ANGPT1: variants seen among roughly 807,000 people sequenced by gnomAD.
ANGPT1 encodes angiopoietin-1.
A neutral mutation model predicts 62.2 loss-of-function variants in ANGPT1; 17 were observed. The ratio of observed to expected loss-of-function variants is 0.27; its 90% confidence interval spans 0.19 to 0.41. ANGPT1 has a LOEUF of 0.41. Ranked by LOEUF, ANGPT1 falls within the 10% of genes least tolerant of loss-of-function variation. The pLI is 1.00. For missense variants in ANGPT1, 478 were observed against 594.9 expected, an observed-to-expected ratio of 0.80 and a Z score of 2.04; for synonymous variants, 199 against 198.9, an observed-to-expected ratio of 1.00 and a Z score of 0.00.
intron 1 of ANGPT1, among the ~76,000 whole-genome samples, chr8:107,496,243 A>G (rs10216767): frequency 0.69 from 104,769 of 152,092 alleles, 36,262 homozygotes; most frequent in East Asian, 0.79. Context: ...CCCTTCTAGT[A>G]GCATAGTCAG....
At chr8:107,495,760 A>G (rs901399511) in intron 1 of ANGPT1, among the ~76,000 whole-genome samples, 4 of 152,238 alleles carry the variant, frequency 2.6e-5, no homozygotes, top group Non-Finnish European at 5.9e-5. Context: ...TTACCAAAGA[A>G]AAATACAAAC....
chr8:107,327,595 A>G (rs574694033), intron 3 of ANGPT1, among the ~76,000 whole-genome samples: 1 of 152,214 alleles, frequency 6.6e-6, no homozygotes, highest in Non-Finnish European at 1.5e-5. Context: ...AGTTTTTATT[A>G]AGATGCTTCT....
At chr8:107,376,542 G>GT (rs1443904002) in intron 1 of ANGPT1, among the ~76,000 whole-genome samples, 7 of 151,970 alleles carry the variant, frequency 4.6e-5, no homozygotes, top group East Asian at 1.9e-4. Context: ...GTTTGTTTTT[G>GT]TTTTTTTGTG....
intron 1 of ANGPT1, among the ~76,000 whole-genome samples, chr8:107,485,544 C>A (rs1315885969): frequency 6.6e-6 from 1 of 152,162 alleles, no homozygotes; most frequent in South Asian, 2.1e-4. Context: ...AGAACTATCA[C>A]AATTGTCTAC....
chr8:107,397,673 C>G (rs1168647479), intron 1 of ANGPT1, among the ~76,000 whole-genome samples: 1 of 152,054 alleles, frequency 6.6e-6, no homozygotes, highest in Non-Finnish European at 1.5e-5. Context: ...TCAAAAGAAC[C>G]ATTTGGGTCT....
chr8:107,419,726 T>C (rs2130376124), intron 1 of ANGPT1, among the ~76,000 whole-genome samples: 1 of 152,166 alleles, frequency 6.6e-6, no homozygotes, highest in South Asian at 2.1e-4. Flanking sequence ...GACAGGGAGT[T>C]AACATGCAAA....
intron 1 of ANGPT1, among the ~76,000 whole-genome samples, chr8:107,468,056 G>A (rs1333765235): frequency 6.6e-6 from 1 of 152,094 alleles, no homozygotes; most frequent in African/African-American, 2.4e-5. Context: ...AGAGGGAAAT[G>A]AATGGAATCT....
chr8:107,440,910 TAG>T (rs1223403924), intron 1 of ANGPT1, among the ~76,000 whole-genome samples: 1 of 152,194 alleles, frequency 6.6e-6, no homozygotes, highest in Non-Finnish European at 1.5e-5. Flanking sequence ...CACTCTAAAC[TAG>T]AGAAAAGAGA....
chr8:107,293,746 C>CT (rs1814340636), intron 6 of ANGPT1, among the ~76,000 whole-genome samples, 190 bp downstream of exon 6: 1 of 152,094 alleles, frequency 6.6e-6, no homozygotes, highest in Non-Finnish European at 1.5e-5. Context: ...TTCTTTCTGA[C>CT]GCACACGTGG....
chr8:107,428,520 C>T (rs938565260), intron 1 of ANGPT1, among the ~76,000 whole-genome samples: 2 of 152,132 alleles, frequency 1.3e-5, no homozygotes, highest in African/African-American at 4.8e-5. Flanking sequence ...AAGGGTCTGT[C>T]TTCAGCTCCT....
intron 8 of ANGPT1, among the ~76,000 whole-genome samples, chr8:107,260,390 T>C (rs1250313074): frequency 1.3e-5 from 2 of 152,218 alleles, no homozygotes; most frequent in South Asian, 4.1e-4. Flanking sequence ...CAAAGAGCTA[T>C]GAGTTACTAG....
In ANGPT1 at chr8:107,251,305, C is replaced by G. The variant is rs1813243400; in HGVS notation, c.*550G>C. 1 of 153,008 alleles carries G rather than the reference C, an allele frequency of 6.5e-6. No homozygotes were observed. Among genetic ancestry groups the G allele is most frequent in the African/African-American group, 2.4e-5 (1 of 41,438 alleles). The allele number at this position is 153,008 out of a possible 1,614,324, so 9.5% of individuals were successfully genotyped here. A position where few individuals can be genotyped will look rare whatever the true frequency, so the allele number is the denominator to read the frequency against. On this transcript the variant is annotated 3_prime_UTR_variant, in exon 9 of 9. Transcript: ENST00000517746. Reference sequence around the variant, plus strand: ...TAAGTATGATACTGGAATTAGGCTTCTGAAATCCATTAACATTTAACCAAC... The same window carrying G: ...TAAGTATGATACTGGAATTAGGCTTGTGAAATCCATTAACATTTAACCAAC...
chr8:107,430,598 A>G (rs1256450117), intron 1 of ANGPT1, among the ~76,000 whole-genome samples: 1 of 152,236 alleles, frequency 6.6e-6, no homozygotes, highest in African/African-American at 2.4e-5. Flanking sequence ...AGATTAAATC[A>G]TCCAGGTAAG....
chr8:107,428,033 G>A (rs934361243), intron 1 of ANGPT1, among the ~76,000 whole-genome samples: 4 of 152,190 alleles, frequency 2.6e-5, no homozygotes, highest in African/African-American at 9.6e-5. Context: ...TTGAAAGGCA[G>A]CTTATCCAGT....
At chr8:107,303,123 A>G in intron 5 of ANGPT1, 117 bp downstream of exon 5, 1 of 1,216,680 alleles carries the variant, frequency 8.2e-7, no homozygotes, top group Non-Finnish European at 1.2e-6. Flanking sequence ...TGGGAGAAAA[A>G]AGTTCAGGCA....
intron 1 of ANGPT1, among the ~76,000 whole-genome samples, chr8:107,382,867 A>G (rs1377387874): frequency 1.3e-5 from 2 of 152,198 alleles, no homozygotes; most frequent in Non-Finnish European, 2.9e-5. Context: ...CAACTTATGA[A>G]TTTGCCTGTG....
chr8:107,392,799 C>T (rs988526114), intron 1 of ANGPT1, among the ~76,000 whole-genome samples: 2 of 152,044 alleles, frequency 1.3e-5, no homozygotes, highest in East Asian at 1.9e-4. Context: ...TAATTTTATT[C>T]ATTCCAGAAG....
chr8:107,458,960 C>T (rs998245787), intron 1 of ANGPT1, among the ~76,000 whole-genome samples: 3 of 152,124 alleles, frequency 2.0e-5, no homozygotes, highest in African/African-American at 7.2e-5. Flanking sequence ...AAATTCAAAC[C>T]TAGAAGAGTC....
In ANGPT1 at chr8:107,316,965, A is replaced by C. The variant is rs149201450; in HGVS notation, c.808+4931T>G. 7.2e-5 allele frequency among the ~76,000 whole-genome samples: 11 copies of C among 152,254 alleles called. No individual in the cohort carries two copies. In the East Asian group the frequency reaches 2.1e-3, roughly 29 times the overall value. ...TTATGCTAGACATGGTAACTCCCTC[A>C]TGTTGCTGTTGTAAGGGCTAACACG... On this transcript the variant is annotated intron_variant, in intron 4 of 8. Coordinates refer to ENST00000517746, the MANE Select transcript of ANGPT1 (RefSeq NM_001146.5).
Sources: gnomAD v4.1 joint callset for allele counts (sites outside exome capture counted in the v4.1 genomes callset) on GRCh38, gnomAD v4.1.1 for gene constraint, MANE v1.5 for transcripts, NCBI Gene and HGNC (gene_info 2026-07-23, HGNC 2026-07-21) for gene names.